GPC5: variants seen among roughly 807,000 people sequenced by gnomAD.
GPC5 encodes glypican 5.
A neutral mutation model predicts 53.9 loss-of-function variants in GPC5; 47 were observed. That is an observed-to-expected ratio of 0.87 (90% CI 0.69 to 1.11). GPC5 has a LOEUF of 1.11. Ranked by LOEUF, GPC5 falls within the 50% of genes most tolerant of loss-of-function variation. GPC5 has a pLI of 0.00. For missense variants in GPC5, 748 were observed against 713.1 expected, an observed-to-expected ratio of 1.05 and a Z score of -0.56; for synonymous variants, 286 against 263.3, an observed-to-expected ratio of 1.09 and a Z score of -0.84.
intron 7 of GPC5, among the ~76,000 whole-genome samples, chr13:92,347,921 A>ACATAATG (rs1566550109): frequency 5.5e-5 from 1 of 18,328 alleles, no homozygotes; most frequent in East Asian, 1.0e-3. Context: ...TAATATATAT[A>ACATAATG]TATTATATAT....
intron 7 of GPC5, among the ~76,000 whole-genome samples, chr13:92,826,938 A>G (rs1236333748): frequency 1.3e-5 from 2 of 152,076 alleles, no homozygotes; most frequent in Non-Finnish European, 2.9e-5. Flanking sequence ...AATCCTCATT[A>G]ATCATAGACA....
chr13:92,684,951 A>G (rs891382922), intron 7 of GPC5, among the ~76,000 whole-genome samples: 1 of 152,206 alleles, frequency 6.6e-6, no homozygotes, highest in African/African-American at 2.4e-5. Context: ...ATGTAGTAGC[A>G]AATCATTGTT....
intron 6 of GPC5, among the ~76,000 whole-genome samples, chr13:91,948,564 CT>C (rs2039997520): frequency 2.0e-5 from 3 of 151,984 alleles, no homozygotes; most frequent in African/African-American, 7.3e-5. Context: ...AATCAATCAA[CT>C]AAGTTATTTG....
At chr13:92,337,241 T>C (rs1172019126) in intron 7 of GPC5, among the ~76,000 whole-genome samples, 1 of 149,808 alleles carries the variant, frequency 6.7e-6, no homozygotes, top group Non-Finnish European at 1.5e-5. Flanking sequence ...GAACAAAATA[T>C]CTTCAAGATC....
intron 7 of GPC5, among the ~76,000 whole-genome samples, chr13:92,371,754 T>G (rs2043652254): frequency 6.6e-6 from 1 of 152,152 alleles, no homozygotes; most frequent in Non-Finnish European, 1.5e-5. Flanking sequence ...AATGCCCCCA[T>G]GATTCAATTA....
chr13:92,206,171 T>TGG lies in GPC5; in HGVS notation c.1561+61182_1561+61183insGG, dbSNP rs1566484721. On this transcript the variant is annotated intron_variant, in intron 7 of 7. Coordinates refer to ENST00000377067, the MANE Select transcript of GPC5 (RefSeq NM_004466.6). ...GTTTTTTTTATTTTTTTTTTTATTTTTTTTTTTTTTTTGAGACAGAGTCTC... is the reference window on the plus strand; with the variant it reads ...GTTTTTTTTATTTTTTTTTTTATTTTGGTTTTTTTTTTTTGAGACAGAGTCTC... Among the ~76,000 whole-genome samples the TGG allele has an allele frequency of 4.4e-3, 645 of 145,090 alleles. 4 individuals carry two copies. Among genetic ancestry groups the TGG allele is most frequent in the African/African-American group, 0.015 (596 of 39,878 alleles).
At chr13:92,060,635 C>T (rs574178246) in intron 6 of GPC5, among the ~76,000 whole-genome samples, 8 of 152,048 alleles carry the variant, frequency 5.3e-5, no homozygotes, top group Non-Finnish European at 8.8e-5. Context: ...CTTGCTAATA[C>T]GGCTATGAAA....
chr13:92,373,501 G>A (rs139098385), intron 7 of GPC5, among the ~76,000 whole-genome samples: 1 of 152,260 alleles, frequency 6.6e-6, no homozygotes, highest in East Asian at 1.9e-4. Context: ...GTTCTCACAT[G>A]AGAAGCCCAG....
chr13:92,077,476 G>A (rs560910491), intron 6 of GPC5, among the ~76,000 whole-genome samples: 1 of 152,168 alleles, frequency 6.6e-6, no homozygotes, highest in Non-Finnish European at 1.5e-5. Flanking sequence ...ATGAATAAAT[G>A]CAGAGGTACC....
chr13:92,274,589 AC>A (rs1430058354), intron 7 of GPC5, among the ~76,000 whole-genome samples: 1 of 151,954 alleles, frequency 6.6e-6, no homozygotes, highest in Non-Finnish European at 1.5e-5. Flanking sequence ...TGGCTCTTCC[AC>A]TCCAGGATCT....
intron 6 of GPC5, among the ~76,000 whole-genome samples, chr13:92,040,908 T>C (rs1180924977): frequency 6.6e-6 from 1 of 152,234 alleles, no homozygotes; most frequent in African/African-American, 2.4e-5. Context: ...TGCCGTGCAA[T>C]GGCAGGACCT....
rs115190462 is a variant in GPC5 at position 92,340,855 on chromosome 13, A to G, written c.1561+195866A>G. Among the ~76,000 whole-genome samples the G allele has an allele frequency of 5.9e-3, 892 of 152,196 alleles. 9 individuals carry two copies. Among genetic ancestry groups the G allele is most frequent in the African/African-American group, 0.021 (852 of 41,542 alleles). ...ATAATGAAACCATTTGCCTCCTTAT[A>G]TTTTGTACTATATAGCATTTAGTGT... On this transcript the variant is annotated intron_variant, in intron 7 of 7. Transcript: ENST00000377067.
intron 6 of GPC5, among the ~76,000 whole-genome samples, chr13:92,027,603 T>C (rs1220807203): frequency 6.6e-6 from 1 of 152,186 alleles, no homozygotes; most frequent in Non-Finnish European, 1.5e-5. Flanking sequence ...GGGGTAGGGA[T>C]TATTATAGCT....
chr13:91,745,969 C>T (rs557223742), intron 4 of GPC5, among the ~76,000 whole-genome samples: 157 of 152,176 alleles, frequency 1.0e-3, no homozygotes, highest in African/African-American at 3.6e-3. Context: ...GAATGAAAAT[C>T]TAATTTTTGT....
At position 91,423,199 on chromosome 13, in the gene GPC5, A is replaced by C. The variant is rs532143867; in HGVS notation, c.163+23990A>C. ...CAGAAATATAGAAGACACATTACTG[A>C]ATCAGACTTGAAATGGTATAGTGTA... On this transcript the variant is annotated intron_variant, in intron 1 of 7. Transcript: ENST00000377067. Among the ~76,000 whole-genome samples, 4 of 152,346 alleles carry C rather than the reference A, an allele frequency of 2.6e-5. No individual in the cohort carries two copies. The South Asian group carries it at 6.2e-4, about 24-fold the overall frequency.
intron 7 of GPC5, among the ~76,000 whole-genome samples, chr13:92,181,929 A>G (rs1006792845): frequency 9.2e-5 from 14 of 152,234 alleles, no homozygotes; most frequent in African/African-American, 3.4e-4. Context: ...AGGAGGCTCA[A>G]TGTTGAGTAG....
chr13:91,557,223 C>T (rs149093124), intron 2 of GPC5, among the ~76,000 whole-genome samples: 1 of 152,054 alleles, frequency 6.6e-6, no homozygotes, highest in Non-Finnish European at 1.5e-5. Flanking sequence ...TCCTGCTGCT[C>T]CAATTTTTCA....
chr13:91,663,015 C>A (rs2035021534), intron 2 of GPC5, among the ~76,000 whole-genome samples: 1 of 152,180 alleles, frequency 6.6e-6, no homozygotes, highest in Admixed American at 6.5e-5. Flanking sequence ...GGGAAGGCAG[C>A]TACAGCTACT....
At chr13:92,816,351 G>C (rs975721825) in intron 7 of GPC5, among the ~76,000 whole-genome samples, 6 of 152,066 alleles carry the variant, frequency 3.9e-5, no homozygotes, top group African/African-American at 2.4e-5. Flanking sequence ...TTGGGTTTCA[G>C]TTGCATTGTC....
Sources: allele counts gnomAD v4.1 joint callset (sites outside exome capture counted in the v4.1 genomes callset), GRCh38; gene constraint gnomAD v4.1.1; transcripts MANE v1.5; gene names NCBI Gene and HGNC (gene_info 2026-07-23, HGNC 2026-07-21).